STK3: variants seen among roughly 807,000 people sequenced by gnomAD.
STK3 encodes the protein serine/threonine-protein kinase 3.
A neutral mutation model predicts 58.0 loss-of-function variants in STK3; 41 were observed. That is an observed-to-expected ratio of 0.71 (90% CI 0.55 to 0.92). The LOEUF (loss-of-function observed/expected upper bound fraction) is 0.92. STK3 is among the 40% of genes least tolerant of loss of function. The pLI is 0.00. For missense variants in STK3, 479 were observed against 602.7 expected (o/e 0.79, Z 2.15); for synonymous variants, 170 against 191.0 (o/e 0.89, Z 0.91).
At position 98,696,053 on chromosome 8, in the gene STK3, G is replaced by A. The variant is rs1228045395; in HGVS notation, c.684+10414C>T. ...CTTTTATTTCATTGAGCAGTGGTTT[G>A]TAGTTCTCCTTGAAGAGGTCCTTCA... On this transcript the variant is annotated intron_variant, in intron 6 of 10. Transcript: ENST00000419617. Among the ~76,000 whole-genome samples the A allele has an allele frequency of 4.6e-5, 7 of 152,136 alleles. No homozygotes were observed. The South Asian group carries it at 1.2e-3, about 27-fold the overall frequency.
intron 1 of STK3, among the ~76,000 whole-genome samples, chr8:98,808,094 C>G (rs546758601): frequency 6.6e-6 from 1 of 152,140 alleles, no homozygotes; most frequent in African/African-American, 2.4e-5. Context: ...AAAAAATTGT[C>G]GTGTGACAGA....
rs73699941 is a variant in STK3 at position 98,931,448 on chromosome 8, C to T, written c.-79+10930G>A. Among the ~76,000 whole-genome samples the T allele has an allele frequency of 8.3e-4, 126 of 152,254 alleles. 1 individual carries two copies. Among genetic ancestry groups the T allele is most frequent in the African/African-American group, 2.6e-3 (106 of 41,536 alleles). ...TGGAATAACCACTCCTACCCCGACC[C>T]GGCCTGCGCCAGCCTGATCCCTCAT... On this transcript the variant is annotated intron_variant, in intron 1 of 1. Coordinates refer to the STK3 transcript ENST00000519420.
At position 98,749,260 on chromosome 8, in the gene STK3, ATT is replaced by A; in HGVS notation, c.351+14_351+15del. ...CTTTAGAAATGATATTAGCAAAACA[ATT>A]TTAAAATACTTACTGTCTTGTTTCG... On this transcript the variant is annotated intron_variant, in intron 4 of 10. Transcript: ENST00000419617. The A allele has an allele frequency of 6.4e-7, 1 of 1,557,840 alleles. No homozygotes were observed. The highest frequency in any genetic ancestry group is 8.8e-7 in the Non-Finnish European group (1 of 1,138,228).
chr8:98,777,076 T>A (rs1048700904), intron 1 of STK3, among the ~76,000 whole-genome samples: 3 of 151,524 alleles, frequency 2.0e-5, no homozygotes, highest in Admixed American at 1.3e-4. Flanking sequence ...TTAAAAATTT[T>A]AAAAATAAAT....
At chr8:98,344,605 G>GT in the STK3 span, among the ~76,000 whole-genome samples, 1 of 149,782 alleles carries the variant, frequency 6.7e-6, no homozygotes, top group Non-Finnish European at 1.5e-5. Flanking sequence ...GAAAATATGG[G>GT]ACCCTCGGCC....
downstream of STK3, chr8:98,883,673 T>C (rs1467189233): frequency 5.7e-6 from 4 of 702,894 alleles, no homozygotes; most frequent in African/African-American, 3.5e-5. Context: ...CTTCTCCTTG[T>C]GTGCTCCATT....
chr8:98,395,542 A>C (rs1222589571), intron 3 of STK3, among the ~76,000 whole-genome samples: 1 of 152,274 alleles, frequency 6.6e-6, no homozygotes, highest in Non-Finnish European at 1.5e-5. Flanking sequence ...TAGCAGATGC[A>C]GTGAGTGAAA....
chr8:98,830,183 G>A (rs1835472976), upstream of STK3, among the ~76,000 whole-genome samples: 1 of 151,898 alleles, frequency 6.6e-6, no homozygotes, highest in East Asian at 1.9e-4. Flanking sequence ...AGCCAAGATT[G>A]CGCCACTGCA....
chr8:98,350,992 A>T, the STK3 span, among the ~76,000 whole-genome samples: 1 of 152,268 alleles, frequency 6.6e-6, no homozygotes, highest in Non-Finnish European at 1.5e-5. Context: ...GGCATGAAAA[A>T]GAAAGAAAAT....
chr8:98,629,026 A>G (rs992076773), intron 6 of STK3, among the ~76,000 whole-genome samples: 1 of 152,162 alleles, frequency 6.6e-6, no homozygotes, highest in Non-Finnish European at 1.5e-5. Flanking sequence ...AGGAATTTGT[A>G]CAGTGATAGT....
intron 1 of STK3, among the ~76,000 whole-genome samples, chr8:98,918,643 C>T (rs1276061862): frequency 6.6e-6 from 1 of 152,010 alleles, no homozygotes; most frequent in Non-Finnish European, 1.5e-5. Flanking sequence ...TGGCATGAAC[C>T]TGTGGTCTCA....
intron 10 of STK3, among the ~76,000 whole-genome samples, chr8:98,491,724 A>C (rs1458362108): frequency 3.3e-5 from 5 of 152,244 alleles, no homozygotes; most frequent in Non-Finnish European, 1.5e-5. Context: ...ATGGGTTCAT[A>C]GGTCAAACAG....
chr8:98,476,535 C>T (rs1254648697), intron 10 of STK3, among the ~76,000 whole-genome samples: 1 of 152,144 alleles, frequency 6.6e-6, no homozygotes, highest in Non-Finnish European at 1.5e-5. Flanking sequence ...AAAACTGATT[C>T]CAGGTGGAAC....
intron 4 of STK3, among the ~76,000 whole-genome samples, chr8:98,723,224 T>G (rs1232560813): frequency 1.3e-5 from 2 of 152,130 alleles, no homozygotes; most frequent in Non-Finnish European, 2.9e-5. Flanking sequence ...TACTCAGCAA[T>G]CAGGGATAAA....
chr8:98,657,615 G>GA (rs760789529), intron 6 of STK3, among the ~76,000 whole-genome samples: 1 of 151,924 alleles, frequency 6.6e-6, no homozygotes, highest in Non-Finnish European at 1.5e-5. Context: ...ATATGTGGCT[G>GA]AAACAATTCC....
chr8:98,617,840 G>A (rs1332927362), intron 6 of STK3, among the ~76,000 whole-genome samples: 1 of 152,040 alleles, frequency 6.6e-6, no homozygotes, highest in East Asian at 1.9e-4. Context: ...CAACGAAAAA[G>A]AGTCCAGGAC....
At chr8:98,710,794 G>T (rs1452638613) in intron 4 of STK3, among the ~76,000 whole-genome samples, 1 of 152,184 alleles carries the variant, frequency 6.6e-6, no homozygotes, top group Non-Finnish European at 1.5e-5. Flanking sequence ...GAGAGTAGTG[G>T]TTCTCCCAGC....
rs1835600206 is a variant in STK3 at position 98,833,093 on chromosome 8, G to A, written c.110+50554C>T. On this transcript the variant is annotated intron_variant, in intron 3 of 12. Coordinates refer to the STK3 transcript ENST00000523601. ...GGTCCTGAGAATACGTGCCCAAGGT[G>A]GTTGGGTTACGCTTGATTTTACACA... is the stretch of plus-strand genomic sequence containing the variant. Among the ~76,000 whole-genome samples the A allele has an allele frequency of 2.0e-5, 3 of 152,296 alleles. No homozygotes were observed. In the South Asian group the frequency reaches 6.2e-4, roughly 32 times the overall value.
chr8:98,855,363 A>G (rs1213541757), intron 3 of STK3, among the ~76,000 whole-genome samples: 3 of 152,340 alleles, frequency 2.0e-5, no homozygotes, highest in Admixed American at 2.0e-4. Flanking sequence ...TTATATATCT[A>G]TGGCCAATCA....
Sources: gnomAD v4.1 joint callset for allele counts (sites outside exome capture counted in the v4.1 genomes callset) on GRCh38, gnomAD v4.1.1 for gene constraint, MANE v1.5 for transcripts, NCBI Gene and HGNC (gene_info 2026-07-23, HGNC 2026-07-21) for gene names.